The following TTC27 variants were observed in gnomAD, a reference collection of about 807,000 sequenced individuals.
TTC27 encodes the protein tetratricopeptide repeat domain 27.
A neutral mutation model predicts 115.9 loss-of-function variants in TTC27; 79 were observed. The observed-to-expected ratio is 0.68, with a 90% CI of 0.57 to 0.82. The LOEUF is 0.82. TTC27 is among the 40% of genes least tolerant of loss of function. The pLI is 0.00. For synonymous variants in TTC27, 401 were observed against 356.0 expected (o/e 1.13, Z -1.42); for missense variants, 1,054 against 993.1 (o/e 1.06, Z -0.82).
chr2:32,754,685 C>T (rs1037866946), intron 12 of TTC27, among the ~76,000 whole-genome samples: 3 of 151,460 alleles, frequency 2.0e-5, no homozygotes, highest in Middle Eastern at 3.2e-3. Context: ...GGGTCGTGGC[C>T]GGGCAGAGGG....
chr2:32,788,396 GGA>G (rs1670419367), intron 16 of TTC27, among the ~76,000 whole-genome samples: 1 of 106,716 alleles, frequency 9.4e-6, no homozygotes, highest in South Asian at 4.8e-4. Context: ...AAGTCAGAAA[GGA>G]GTGTGAAGCT....
intron 11 of TTC27, among the ~76,000 whole-genome samples, chr2:32,734,560 T>C (rs1270503696): frequency 6.6e-6 from 1 of 152,184 alleles, no homozygotes; most frequent in Non-Finnish European, 1.5e-5. Flanking sequence ...TAATGGCACA[T>C]GGTGGGGTGG....
In TTC27 at chr2:32,812,744, G is replaced by C; in HGVS notation, c.2308+129G>C. ...ATTATTTCATTATATTGACATTGTT[G>C]TATTTAATTCAGCAAACATTCATAG... On this transcript the variant is annotated intron_variant, in intron 18 of 19. Coordinates refer to ENST00000317907, the MANE Select transcript of TTC27 (RefSeq NM_017735.5). 4 of 674,238 alleles carry C rather than the reference G, an allele frequency of 5.9e-6. No individual in the cohort carries two copies. In the South Asian group the frequency reaches 7.7e-5, roughly 13 times the overall value. The allele number at this position is 674,238 out of a possible 1,614,324, so 41.8% of individuals were successfully genotyped here.
chr2:32,814,358 C>A (rs755093336), intron 18 of TTC27, among the ~76,000 whole-genome samples: 4 of 152,234 alleles, frequency 2.6e-5, no homozygotes, highest in Non-Finnish European at 5.9e-5. Context: ...CCTCTGACAT[C>A]ATTGAATTAT....
At chr2:32,640,040 A>G (rs1572464891) in intron 3 of TTC27, among the ~76,000 whole-genome samples, 1 of 152,132 alleles carries the variant, frequency 6.6e-6, no homozygotes, top group Non-Finnish European at 1.5e-5. Flanking sequence ...CAAAAACCCA[A>G]AAAATCAAGT....
At chr2:32,645,508 T>G (rs1433661936) in intron 4 of TTC27, among the ~76,000 whole-genome samples, 1 of 152,190 alleles carries the variant, frequency 6.6e-6, no homozygotes, top group Non-Finnish European at 1.5e-5. Context: ...TTCACTTTTT[T>G]ATTAATGCCT....
chr2:32,693,223 A>G (rs1666876378), intron 9 of TTC27, among the ~76,000 whole-genome samples: 1 of 152,192 alleles, frequency 6.6e-6, no homozygotes, highest in Non-Finnish European at 1.5e-5. Context: ...AGGACTAAGG[A>G]TATAGCTCAG....
In TTC27 at chr2:32,753,429, CTTTTTTTTTTTTT is replaced by C. The variant is rs776515945; in HGVS notation, c.1453-4850_1453-4838del. Reference sequence around the variant, plus strand: ...ATACTCGGTTAATCCAATCAAATGCCTTTTTTTTTTTTTTTTTTTTTTTTTGGAGACAGAGTCT... The same window carrying C: ...ATACTCGGTTAATCCAATCAAATGCCTTTTTTTTTTTTGGAGACAGAGTCT... On this transcript the variant is annotated intron_variant, in intron 12 of 19. Coordinates refer to ENST00000317907, the MANE Select transcript of TTC27 (RefSeq NM_017735.5). 5.5e-5 allele frequency among the ~76,000 whole-genome samples: 4 copies of C among 72,848 alleles called. No individual in the cohort carries two copies. In the Admixed American group the frequency reaches 6.6e-4, roughly 12 times the overall value. The allele number at this position is 72,848 out of a possible 152,430, so 47.8% of individuals were successfully genotyped here.
intron 5 of TTC27, among the ~76,000 whole-genome samples, chr2:32,661,829 C>A (rs748852403): frequency 1.3e-5 from 2 of 152,168 alleles, no homozygotes; most frequent in Non-Finnish European, 2.9e-5. Context: ...TGAGGGAGGG[C>A]ATCCTTGTCT....
intron 18 of TTC27, among the ~76,000 whole-genome samples, chr2:32,816,514 T>C (rs1406287030): frequency 6.6e-6 from 1 of 152,160 alleles, no homozygotes; most frequent in Non-Finnish European, 1.5e-5. Flanking sequence ...TGTACAAAGC[T>C]CTTCACTCGT....
chr2:32,714,606 C>T (rs1572541685), intron 10 of TTC27, among the ~76,000 whole-genome samples: 1 of 152,244 alleles, frequency 6.6e-6, no homozygotes, highest in Middle Eastern at 3.4e-3. Context: ...GGTATATAAA[C>T]AGTAATGAGA....
chr2:32,720,653 C>T (rs1357624807), intron 10 of TTC27, among the ~76,000 whole-genome samples: 3 of 151,916 alleles, frequency 2.0e-5, no homozygotes, highest in Admixed American at 2.0e-4. Context: ...TATTGGGTTT[C>T]CTAAAAAATA....
chr2:32,713,083 C>G (rs528354333), intron 10 of TTC27, among the ~76,000 whole-genome samples: 25 of 152,240 alleles, frequency 1.6e-4, no homozygotes, highest in African/African-American at 6.0e-4. Flanking sequence ...CTCTCTTGCT[C>G]TCACTCTCCC....
chr2:32,670,081 C>A (rs1023242688), intron 7 of TTC27, among the ~76,000 whole-genome samples: 2 of 151,704 alleles, frequency 1.3e-5, no homozygotes, highest in African/African-American at 2.4e-5. Context: ...CTTCACCATG[C>A]TGGCCAGGCT....
chr2:32,666,803 C>T lies in TTC27; in HGVS notation c.939+35C>T, dbSNP rs535130763. The T allele has an allele frequency of 2.8e-4, 453 of 1,603,564 alleles. 4 individuals are homozygous for T. In the South Asian group the frequency reaches 4.7e-3, roughly 17 times the overall value. ...ACATTAAGTTATTAAATTCAATTAA[C>T]ACCTGAGTCTAAGAATTTCAATAGC... On this transcript the variant is annotated intron_variant, in intron 7 of 19. Coordinates refer to ENST00000317907, the MANE Select transcript of TTC27 (RefSeq NM_017735.5).
At chr2:32,641,450 C>A (rs72858143) in intron 4 of TTC27, among the ~76,000 whole-genome samples, 2,509 of 152,258 alleles carry the variant, frequency 0.016, 64 homozygotes, top group African/African-American at 0.057. Flanking sequence ...AAATATTATT[C>A]TTGATTTTTC....
chr2:32,735,914 G>C lies in TTC27; in HGVS notation c.1330-780G>C, dbSNP rs75554912. 8.6e-4 allele frequency among the ~76,000 whole-genome samples: 130 copies of C among 152,010 alleles called. 1 individual carries two copies. In the East Asian group the frequency reaches 0.018, roughly 21 times the overall value. On this transcript the variant is annotated intron_variant, in intron 11 of 19. Coordinates refer to ENST00000317907, the MANE Select transcript of TTC27 (RefSeq NM_017735.5). ...GCTTATAATTTTTAGGCATATTTCT[G>C]ATATTATCAGTCCTAGATTTTTCTG...
chr2:32,784,231 T>C (rs1670275705), intron 15 of TTC27, among the ~76,000 whole-genome samples: 1 of 152,196 alleles, frequency 6.6e-6, no homozygotes, highest in South Asian at 2.1e-4. Context: ...CTTTCTCTCT[T>C]AGGGGTTCTT....
At chr2:32,814,270 G>A (rs1671417151) in intron 18 of TTC27, among the ~76,000 whole-genome samples, 2 of 152,150 alleles carry the variant, frequency 1.3e-5, no homozygotes, top group Non-Finnish European at 2.9e-5. Flanking sequence ...TTAAAGTTGG[G>A]TTTAAACTGT....
Sources: allele counts gnomAD v4.1 joint callset (sites outside exome capture counted in the v4.1 genomes callset), GRCh38; gene constraint gnomAD v4.1.1; transcripts MANE v1.5; gene names NCBI Gene and HGNC (gene_info 2026-07-23, HGNC 2026-07-21).